SLC38A10: variants seen among roughly 807,000 people sequenced by gnomAD.
SLC38A10 encodes the protein Sodium-coupled neutral amino acid transporter 10.
In SLC38A10, 53 loss-of-function variants were observed where a neutral mutation model predicts 81.0. The ratio of observed to expected loss-of-function variants is 0.65; its 90% CI spans 0.53 to 0.82. The LOEUF is 0.82. Ranked by LOEUF, SLC38A10 falls within the 40% of genes least tolerant of loss-of-function variation. The probability of loss-of-function intolerance (pLI) is 0.00; values close to 1 mark genes in which losing one functional copy is unlikely to be tolerated. For synonymous variants in SLC38A10, 665 were observed against 655.3 expected (o/e 1.01, Z -0.23); for missense variants, 1,471 against 1,545.0 (o/e 0.95, Z 0.80).
At position 81,252,283 on chromosome 17, in the gene SLC38A10, C is replaced by T. The variant is rs111775613; in HGVS notation, c.1857G>A (p.Ala619=). ...AVLSEQQNGL[A]VGGGEKAKGG... ...CCTTGGCCTTTTCCCCTCCACCCAC[C>T]GCCAGGCCGTTCTGCTGCTCAGACA... is the stretch of plus-strand genomic sequence containing the variant. The change falls in exon 13 of 16, where the codon GCG becomes GCA. Residue 619 remains alanine, a synonymous_variant. Transcript: ENST00000374759. 33 of 1,609,276 alleles carry T rather than the reference C, an allele frequency of 2.1e-5. No homozygotes were observed. In the African/African-American group the frequency reaches 2.4e-4, roughly 12 times the overall value.
At chr17:81,294,126 G>A (rs1283271604) in intron 1 of SLC38A10, among the ~76,000 whole-genome samples, 1 of 152,162 alleles carries the variant, frequency 6.6e-6, no homozygotes, top group African/African-American at 2.4e-5. Flanking sequence ...CGCCTCCCAG[G>A]TTCAAGCTAT....
chr17:81,257,842 G>A (rs1262269558), intron 11 of SLC38A10, among the ~76,000 whole-genome samples: 1 of 152,244 alleles, frequency 6.6e-6, no homozygotes, highest in Non-Finnish European at 1.5e-5. Context: ...AGGGGTGCGG[G>A]CCCTGCTGTG....
chr17:81,245,636 G>A lies in SLC38A10; in HGVS notation c.3280C>T (p.Arg1094Cys), dbSNP rs376896275. Residue 1094 changes from arginine (R) to cysteine (C), a missense_variant, in exon 16 of 16, where the codon CGC becomes TGC. Physicochemically the swap from Arg to Cys is radical, Grantham distance 180 (BLOSUM62 -3). Around this residue, in one of 2 missense-constraint regions of SLC38A10, gnomAD observed 751 missense variants for 717.4 expected, o/e 1.05. Transcript: ENST00000374759. ...TGCAGAGCTCCCCCCGCAGCCTGGC[G>A]GAGCTGGGCATCCAGGGCGCCACGG... ...DLRGALDAQL[R>C]QAAGGALQVV... 1.8e-4 allele frequency: 292 copies of A among 1,612,186 alleles called. No homozygotes were observed. Among genetic ancestry groups the A allele is most frequent in the Non-Finnish European group, 2.2e-4 (263 of 1,179,766 alleles).
Position 81,289,808 on chromosome 17 carries a change from A to G in SLC38A10, c.100T>C (p.Cys34Arg). ...AGCAGCGCCCCCAGGACGATGCCGC[A>G]CTGCAGGGTGGAGACAGGAACACAT... ...VLTMPFCFKQ[C>R]GIVLGALLLV... is the part of the protein sequence containing the mutation. The change falls in exon 2 of 16, where the codon TGC becomes CGC. Residue 34 changes from cysteine (C) to arginine (R), a missense_variant and splice_region_variant. Physicochemically the swap from Cys to Arg is radical, Grantham distance 180 (BLOSUM62 -3). Coordinates refer to ENST00000374759, the MANE Select transcript of SLC38A10 (RefSeq NM_001037984.3). The surrounding 1 kb of genome is among the most constrained non-coding windows in gnomAD (Gnocchi z 5.9). 2 of 1,591,350 alleles carry G rather than the reference A, an allele frequency of 1.3e-6. No homozygotes were observed. Among genetic ancestry groups the G allele is most frequent in the Non-Finnish European group, 1.7e-6 (2 of 1,170,456 alleles).
rs1479049241 is a variant in SLC38A10 at position 81,283,306 on chromosome 17, C to T, written c.357+103G>A. On this transcript the variant is annotated intron_variant, in intron 4 of 15. Coordinates refer to ENST00000374759, the MANE Select transcript of SLC38A10 (RefSeq NM_001037984.3). This position sits in a 1 kb window ranked among gnomAD's most constrained non-coding sequence, Gnocchi z 4.7. ...ATGACAGCAGGCTCGACAGAAGCTT[C>T]TCCCGACCAGCACCCAGGTCTCGGT... 1 of 1,049,768 alleles carries T rather than the reference C, an allele frequency of 9.5e-7. No homozygotes were observed. The highest frequency in any genetic ancestry group is 1.4e-6 in the Non-Finnish European group (1 of 704,558). 65.0% of individuals were successfully genotyped at this position (1,049,768 alleles called of 1,614,324 possible). A position where few individuals can be genotyped will look rare whatever the true frequency, so the allele number is the denominator to read the frequency against.
Position 81,276,980 on chromosome 17 carries a change from A to C in SLC38A10, c.729+51T>G. 1.3e-6 allele frequency: 2 copies of C among 1,564,836 alleles called. No homozygotes were observed. The highest frequency in any genetic ancestry group is 1.8e-6 in the Non-Finnish European group (2 of 1,136,028). On this transcript the variant is annotated intron_variant, in intron 7 of 15. Coordinates refer to ENST00000374759, the MANE Select transcript of SLC38A10 (RefSeq NM_001037984.3). The surrounding 1 kb of genome is among the most constrained non-coding windows in gnomAD (Gnocchi z 4.7). Reference sequence around the variant, plus strand: ...TGGCAGTCCCACGGGGCACCACGGCACATCATGCTGGCATGACACAGGGGC... The same window carrying C: ...TGGCAGTCCCACGGGGCACCACGGCCCATCATGCTGGCATGACACAGGGGC...
rs750024388 is a variant in SLC38A10, at chr17:81,283,523, C to T, written c.264-21G>A. ...TCATGCTGCACAGGGACGGGGGGTA[C>T]GGGAAATGCCATCAGGGCAAGCTGG... On this transcript the variant is annotated intron_variant, in intron 3 of 15. Coordinates refer to ENST00000374759, the MANE Select transcript of SLC38A10 (RefSeq NM_001037984.3). This position sits in a 1 kb window ranked among gnomAD's most constrained non-coding sequence, Gnocchi z 4.7. The T allele has an allele frequency of 2.4e-5, 38 of 1,591,520 alleles. No homozygotes were observed. Among genetic ancestry groups the T allele is most frequent in the East Asian group, 4.6e-5 (2 of 43,652 alleles).
intron 1 of SLC38A10, among the ~76,000 whole-genome samples, chr17:81,291,756 A>T (rs2063312412): frequency 6.6e-6 from 1 of 152,190 alleles, no homozygotes. Context: ...AGCTCCCAAT[A>T]GGAGACACCG....
chr17:81,250,821 C>T, intron 14 of SLC38A10: 1 of 1,006,628 alleles, frequency 9.9e-7, no homozygotes, highest in South Asian at 4.4e-5. Flanking sequence ...CATGAGGCCA[C>T]AAGGAGGGGT....
intron 8 of SLC38A10, among the ~76,000 whole-genome samples, chr17:81,274,109 A>G (rs1026962451): frequency 2.6e-5 from 4 of 152,262 alleles, no homozygotes; most frequent in African/African-American, 9.6e-5. Context: ...GCTCAGGTAC[A>G]AAACATCAAA....
At chr17:81,282,779 G>A (rs376421986) in intron 4 of SLC38A10, among the ~76,000 whole-genome samples, 1 of 152,208 alleles carries the variant, frequency 6.6e-6, no homozygotes, top group African/African-American at 2.4e-5. Flanking sequence ...CTAGCTCCCT[G>A]GATGCTCCTT....
chr17:81,252,175 G>T lies in SLC38A10; in HGVS notation c.1945+20C>A. The T allele has an allele frequency of 6.7e-7, 1 of 1,494,256 alleles. No individual in the cohort carries two copies. Among genetic ancestry groups the T allele is most frequent in the South Asian group, 1.3e-5 (1 of 74,318 alleles). 92.6% of individuals were successfully genotyped at this position (1,494,256 alleles called of 1,614,324 possible). On this transcript the variant is annotated intron_variant, in intron 13 of 15. Transcript: ENST00000374759. ...CCAAGAGGGGAGTGTCTTCCGACACGAGCCCAGGCTGACACCCACCGTGGT... is the reference window on the plus strand; with the variant it reads ...CCAAGAGGGGAGTGTCTTCCGACACTAGCCCAGGCTGACACCCACCGTGGT...
At chr17:81,247,832 C>A (rs1222050629) in intron 14 of SLC38A10, among the ~76,000 whole-genome samples, 2 of 151,676 alleles carry the variant, frequency 1.3e-5, no homozygotes, top group Non-Finnish European at 2.9e-5. Context: ...CAGAGCAAGA[C>A]CCTGTCTCAA....
chr17:81,267,648 AC>A (rs1311983569), intron 10 of SLC38A10, among the ~76,000 whole-genome samples: 1 of 152,186 alleles, frequency 6.6e-6, no homozygotes, highest in Non-Finnish European at 1.5e-5. Flanking sequence ...CCTAAAACTC[AC>A]CAAGAAACTT....
Position 81,253,301 on chromosome 17 carries a change from C to T in SLC38A10, c.1289-61G>A. ...AAGCAGCTCCAGGAGCGGGGCAGCT[C>T]TCCCTGGACTGTTACCATATTTTCC... On this transcript the variant is annotated intron_variant, in intron 11 of 15. Coordinates refer to ENST00000374759, the MANE Select transcript of SLC38A10 (RefSeq NM_001037984.3). The surrounding 1 kb of genome is among the most constrained non-coding windows in gnomAD (Gnocchi z 4.1). 1 of 1,559,436 alleles carries T rather than the reference C, an allele frequency of 6.4e-7. No homozygotes were observed. Among genetic ancestry groups the T allele is most frequent in the Non-Finnish European group, 8.7e-7 (1 of 1,146,944 alleles).
In SLC38A10 at chr17:81,284,728, C is replaced by T. The variant is rs79333247; in HGVS notation, c.263+122G>A. On this transcript the variant is annotated intron_variant, in intron 3 of 15. Coordinates refer to ENST00000374759, the MANE Select transcript of SLC38A10 (RefSeq NM_001037984.3). ...AGTAATTGGACTTTCATGTATTTAG[C>T]GACTCTTCAGAAACCTAAGTTACAG... 377 of 726,292 alleles carry T rather than the reference C, an allele frequency of 5.2e-4. 3 individuals are homozygous for T. In the East Asian group the frequency reaches 0.012, roughly 22 times the overall value. 45.0% of individuals were successfully genotyped at this position (726,292 alleles called of 1,614,324 possible).
Position 81,246,390 on chromosome 17 carries a change from G to A in SLC38A10, c.2526C>T (p.Pro842=). 1 of 1,599,882 alleles carries A rather than the reference G, an allele frequency of 6.3e-7. No homozygotes were observed. Among genetic ancestry groups the A allele is most frequent in the South Asian group, 1.1e-5 (1 of 90,318 alleles). Residue 842 remains proline, a synonymous_variant, in exon 16 of 16, where the codon CCC becomes CCT. Transcript: ENST00000374759. ...KLRDGQKDAA[P]RAAGTVKELP... is the part of the protein sequence containing the mutation. ...GCTCCTTCACAGTGCCAGCTGCCCTGGGGGCGGCATCCTTCTGGCCATCTC... is the reference window on the plus strand; with the variant it reads ...GCTCCTTCACAGTGCCAGCTGCCCTAGGGGCGGCATCCTTCTGGCCATCTC...
At chr17:81,271,151 G>A (rs1380787189) in intron 9 of SLC38A10, 127 bp from the exon 10 acceptor site, 34 of 754,440 alleles carry the variant, frequency 4.5e-5, no homozygotes, top group South Asian at 3.4e-4. Flanking sequence ...GGCGTGAGCC[G>A]GGAGCAGAGA....
rs1374741528 is a variant in SLC38A10 at position 81,247,051 on chromosome 17, C to G, written c.2076G>C (p.Arg692Ser). The G allele has an allele frequency of 6.3e-7, 1 of 1,585,272 alleles. No homozygotes were observed. Among genetic ancestry groups the G allele is most frequent in the African/African-American group, 1.3e-5 (1 of 74,666 alleles). ...QAASQLEEAG[R>S]AEMLDHAVLL... ...GGACGGCGTGGTCCAGCATCTCCGC[C>G]CTGCCAGCTTCTGGGTTTGGAAAGC... The change falls in exon 15 of 16, where the codon AGG (arginine) becomes AGC (serine). Residue 692 changes from arginine (R) to serine (S), a missense_variant. Physicochemically the swap from Arg to Ser is moderately radical, Grantham distance 110 (BLOSUM62 -1). This residue lies in a region of SLC38A10 where 751 missense variants were observed against 717.4 expected (regional missense o/e 1.05). Coordinates refer to ENST00000374759, the MANE Select transcript of SLC38A10 (RefSeq NM_001037984.3).
Sources: allele counts gnomAD v4.1 joint callset (sites outside exome capture counted in the v4.1 genomes callset), GRCh38; gene constraint gnomAD v4.1.1; regional missense constraint gnomAD v4.1.1; non-coding constraint Gnocchi (gnomAD v3.1); transcripts MANE v1.5; gene names NCBI Gene and HGNC (gene_info 2026-07-23, HGNC 2026-07-21).